Variants in AGBL1 observed in about 807,000 individuals in gnomAD.
AGBL1 encodes the protein AGBL carboxypeptidase 1, also known as cytosolic carboxypeptidase 4.
Under a neutral mutation model 118.9 loss-of-function variants are expected in AGBL1, and 130 were observed. That is an observed-to-expected ratio of 1.09 (90% CI 0.95 to 1.26). AGBL1 has a LOEUF of 1.26. AGBL1 is among the 50% of genes most tolerant of loss of function. AGBL1 has a pLI of 0.00. For missense variants in AGBL1, 1,584 were observed against 1,298.1 expected (o/e 1.22, Z -3.38); for synonymous variants, 555 against 478.9 (o/e 1.16, Z -2.08).
chr15:86,853,350 G>A (rs932155344), intron 22 of AGBL1, among the ~76,000 whole-genome samples: 1 of 152,026 alleles, frequency 6.6e-6, no homozygotes, highest in Non-Finnish European at 1.5e-5. Context: ...GCAGTAGAGA[G>A]CTAATTACCT....
rs114629938 is a variant in AGBL1, at chr15:87,023,284, A to G, written c.3324-5541A>G. On this transcript the variant is annotated intron_variant, in intron 24 of 24. Coordinates refer to the AGBL1 transcript ENST00000441037. Reference sequence around the variant, plus strand: ...ACAAACTTAAGTGAAAGGGGTGAAAAAAGAGACATCATGCAAACGGACAGC... The same window carrying G: ...ACAAACTTAAGTGAAAGGGGTGAAAGAAGAGACATCATGCAAACGGACAGC... Among the ~76,000 whole-genome samples the G allele has an allele frequency of 4.0e-3, 607 of 152,228 alleles. 9 individuals are homozygous for G. Among genetic ancestry groups the G allele is most frequent in the African/African-American group, 0.014 (593 of 41,570 alleles).
chr15:86,961,691 C>T (rs910294804), intron 23 of AGBL1, among the ~76,000 whole-genome samples: 5 of 152,128 alleles, frequency 3.3e-5, no homozygotes, highest in African/African-American at 1.2e-4. Flanking sequence ...CTCCCATGTT[C>T]TGTGGGTCAG....
intron 21 of AGBL1, among the ~76,000 whole-genome samples, chr15:86,644,121 T>G (rs1380385147): frequency 1.3e-5 from 2 of 152,240 alleles, no homozygotes; most frequent in African/African-American, 4.8e-5. Flanking sequence ...CTGATTATAT[T>G]AATCTAATCA....
intron 9 of AGBL1, among the ~76,000 whole-genome samples, chr15:86,259,365 C>G (rs1345991709): frequency 6.6e-6 from 1 of 152,158 alleles, no homozygotes; most frequent in East Asian, 1.9e-4. Flanking sequence ...GTTATAGTTT[C>G]TTAATTTTGT....
chr15:86,266,195 G>A (rs941406770), intron 11 of AGBL1, among the ~76,000 whole-genome samples, 179 bp from the exon 12 acceptor site: 2 of 152,176 alleles, frequency 1.3e-5, no homozygotes, highest in Non-Finnish European at 2.9e-5. Context: ...GATAGAGGCA[G>A]AGAAAGAAGA....
chr15:86,903,055 C>G (rs1364689103), intron 22 of AGBL1, among the ~76,000 whole-genome samples: 1 of 151,996 alleles, frequency 6.6e-6, no homozygotes, highest in Non-Finnish European at 1.5e-5. Flanking sequence ...TGTTATAGTC[C>G]TACAGGATCT....
At chr15:86,920,613 C>T (rs1011331719), downstream of AGBL1, among the ~76,000 whole-genome samples, 1 of 152,164 alleles carries the variant, frequency 6.6e-6, no homozygotes. Context: ...ATGCTCTCTC[C>T]AAGTGCTAGG....
chr15:86,136,904 C>T (rs1359849153), intron 1 of AGBL1, among the ~76,000 whole-genome samples: 1 of 152,128 alleles, frequency 6.6e-6, no homozygotes, highest in African/African-American at 2.4e-5. Context: ...CTTCCAACTC[C>T]AACTCCCTGA....
intron 18 of AGBL1, among the ~76,000 whole-genome samples, chr15:86,410,843 A>ATATATATAC (rs1567242934): frequency 1.4e-5 from 1 of 72,768 alleles, no homozygotes; most frequent in Non-Finnish European, 2.6e-5. Flanking sequence ...TATATATATA[A>ATATATATAC]TATACTATTT....
At chr15:86,655,153 C>T (rs1003155260) in intron 21 of AGBL1, among the ~76,000 whole-genome samples, 1 of 152,162 alleles carries the variant, frequency 6.6e-6, no homozygotes, top group Non-Finnish European at 1.5e-5. Context: ...ATTCCAATCT[C>T]CGGAAATGCA....
chr15:86,764,903 A>G (rs747484577), intron 22 of AGBL1, among the ~76,000 whole-genome samples: 1 of 152,068 alleles, frequency 6.6e-6, no homozygotes, highest in African/African-American at 2.4e-5. Context: ...CTATTTCTAG[A>G]CAATGATAAA....
chr15:86,245,099 G>A (rs976795840), intron 6 of AGBL1, among the ~76,000 whole-genome samples: 11 of 151,966 alleles, frequency 7.2e-5, no homozygotes, highest in African/African-American at 2.4e-4. Context: ...AACACCAACT[G>A]CACAAATGGG....
chr15:86,830,810 C>T (rs893210392), intron 22 of AGBL1, among the ~76,000 whole-genome samples: 1 of 152,180 alleles, frequency 6.6e-6, no homozygotes, highest in Non-Finnish European at 1.5e-5. Context: ...GCAAGGACTC[C>T]ACCCATACCA....
At chr15:86,080,945 G>A (rs558988096) in intron 1 of AGBL1, among the ~76,000 whole-genome samples, 2 of 151,980 alleles carry the variant, frequency 1.3e-5, no homozygotes, top group South Asian at 2.1e-4. Context: ...GGGCGGGGGG[G>A]GGTCCATGAC....
chr15:86,200,557 C>G (rs866860536), intron 5 of AGBL1, among the ~76,000 whole-genome samples: 9 of 142,512 alleles, frequency 6.3e-5, no homozygotes, highest in East Asian at 2.0e-4. Flanking sequence ...CCTACCCCCC[C>G]CCCCCTTTTT....
At chr15:86,624,094 A>G (rs1178796123) in intron 21 of AGBL1, among the ~76,000 whole-genome samples, 1 of 152,262 alleles carries the variant, frequency 6.6e-6, no homozygotes, top group Non-Finnish European at 1.5e-5. Context: ...AAAAGCATGG[A>G]AAGTCAAAGA....
At chr15:86,637,939 G>A (rs529078617) in intron 21 of AGBL1, among the ~76,000 whole-genome samples, 1 of 152,296 alleles carries the variant, frequency 6.6e-6, no homozygotes, top group South Asian at 2.1e-4. Flanking sequence ...TGTTTTCCCA[G>A]GTAGAAAATC....
chr15:86,257,194 T>A (rs1008992472), intron 8 of AGBL1, among the ~76,000 whole-genome samples, 176 bp downstream of exon 8: 6 of 152,254 alleles, frequency 3.9e-5, no homozygotes, highest in African/African-American at 1.4e-4. Flanking sequence ...CAGGGTGATT[T>A]CATAAACAGA....
At chr15:86,222,105 C>T (rs1186092043) in intron 5 of AGBL1, among the ~76,000 whole-genome samples, 1 of 152,052 alleles carries the variant, frequency 6.6e-6, no homozygotes, top group Non-Finnish European at 1.5e-5. Flanking sequence ...TGATGTCTTC[C>T]TGGGGCAGCC....
Sources: gnomAD v4.1 joint callset for allele counts (sites outside exome capture counted in the v4.1 genomes callset) on GRCh38, gnomAD v4.1.1 for gene constraint, MANE v1.5 for transcripts, NCBI Gene and HGNC (gene_info 2026-07-23, HGNC 2026-07-21) for gene names.